The following EHBP1 variants were observed in gnomAD, a reference collection of about 807,000 sequenced individuals.
EHBP1 encodes the protein EH domain binding protein 1.
In EHBP1, 55 loss-of-function variants were observed where a neutral mutation model predicts 144.0. The ratio of observed to expected loss-of-function variants is 0.38; its 90% CI spans 0.31 to 0.48. The LOEUF (loss-of-function observed/expected upper bound fraction) is 0.48. EHBP1 is among the 20% of genes least tolerant of loss of function. The pLI is 0.98. For missense variants in EHBP1, 1,200 were observed against 1,364.2 expected (o/e 0.88, Z 1.90); for synonymous variants, 469 against 472.7 (o/e 0.99, Z 0.10).
At chr2:62,865,681 C>T (rs1392078025) in intron 9 of EHBP1, among the ~76,000 whole-genome samples, 1 of 152,084 alleles carries the variant, frequency 6.6e-6, no homozygotes, top group African/African-American at 2.4e-5. Context: ...TTATATGAAA[C>T]AATAGGATTC....
chr2:62,942,927 T>G lies in EHBP1; in HGVS notation c.1364+31T>G, dbSNP rs375727584. On this transcript the variant is annotated intron_variant, in intron 11 of 22. Transcript: ENST00000431489. ...TAGAAACATTTTCCATTCCCTATAT[T>G]TTGTAAGTGATAGACATTTTTGAAA... 5 of 1,446,194 alleles carry G rather than the reference T, an allele frequency of 3.5e-6. No individual in the cohort carries two copies. In the African/African-American group the frequency reaches 5.7e-5, roughly 16 times the overall value. 89.6% of individuals were successfully genotyped at this position (1,446,194 alleles called of 1,614,324 possible).
At chr2:62,922,625 T>C (rs775019884) in intron 10 of EHBP1, among the ~76,000 whole-genome samples, 1 of 152,194 alleles carries the variant, frequency 6.6e-6, no homozygotes, top group Non-Finnish European at 1.5e-5. Flanking sequence ...TAGAGACACC[T>C]GGCATTCATC....
chr2:62,718,297 G>A (rs1247540663), intron 2 of EHBP1, among the ~76,000 whole-genome samples: 2 of 152,046 alleles, frequency 1.3e-5, no homozygotes, highest in East Asian at 1.9e-4. Context: ...TAGTACAGAG[G>A]GAACTAACTA....
intron 10 of EHBP1, among the ~76,000 whole-genome samples, chr2:62,916,933 A>G (rs1234997390): frequency 1.3e-5 from 2 of 151,650 alleles, no homozygotes; most frequent in African/African-American, 4.8e-5. Flanking sequence ...TGTACAATTT[A>G]TATTGTATAT....
intron 5 of EHBP1, among the ~76,000 whole-genome samples, chr2:62,815,805 T>C (rs1404806207): frequency 3.3e-5 from 5 of 152,210 alleles, no homozygotes; most frequent in Non-Finnish European, 4.4e-5. Flanking sequence ...TAGGTGAAGA[T>C]ATAAACAAAT....
At chr2:62,687,735 T>G (rs2033766255) in intron 1 of EHBP1, among the ~76,000 whole-genome samples, 1 of 152,184 alleles carries the variant, frequency 6.6e-6, no homozygotes, top group African/African-American at 2.4e-5. Flanking sequence ...AGAAAAAAGA[T>G]ATTCCTTTAA....
intron 2 of EHBP1, among the ~76,000 whole-genome samples, chr2:62,733,288 T>G (rs2037793078): frequency 1.3e-5 from 2 of 152,242 alleles, no homozygotes; most frequent in South Asian, 4.1e-4. Flanking sequence ...GCTATAGGTG[T>G]CAGAGGCTAA....
chr2:63,011,192 A>G (rs2060252644), intron 19 of EHBP1, among the ~76,000 whole-genome samples: 1 of 151,250 alleles, frequency 6.6e-6, no homozygotes, highest in Admixed American at 6.6e-5. Flanking sequence ...TCACATGGGC[A>G]CGTTGAGAAA....
chr2:62,900,949 G>A (rs2053367779), intron 10 of EHBP1, among the ~76,000 whole-genome samples: 1 of 152,120 alleles, frequency 6.6e-6, no homozygotes, highest in Non-Finnish European at 1.5e-5. Context: ...TATATGGTAA[G>A]TAGCCAAGTA....
At chr2:62,907,605 C>T (rs1409959315) in intron 10 of EHBP1, among the ~76,000 whole-genome samples, 1 of 152,160 alleles carries the variant, frequency 6.6e-6, no homozygotes. Context: ...TGGACTCTTA[C>T]AAGGACACTA....
intron 8 of EHBP1, among the ~76,000 whole-genome samples, chr2:62,863,837 G>GTTTTTTTTTTTTTTTTTTTTTTT (rs1354945636): frequency 1.3e-5 from 1 of 74,576 alleles, no homozygotes. Flanking sequence ...ATTTTTCTGT[G>GTTTTTTTTTTTTTTTTTTTTTTT]TTGTTTTTTT....
chr2:62,689,874 A>G (rs189434592), intron 1 of EHBP1, among the ~76,000 whole-genome samples: 41 of 152,352 alleles, frequency 2.7e-4, no homozygotes, highest in African/African-American at 8.4e-4. Flanking sequence ...AAGCATTAAT[A>G]GTTACTACTA....
At chr2:62,717,602 T>G (rs2035806874) in intron 2 of EHBP1, among the ~76,000 whole-genome samples, 1 of 152,192 alleles carries the variant, frequency 6.6e-6, no homozygotes, top group Non-Finnish European at 1.5e-5. Flanking sequence ...TTGGCAGCTT[T>G]GCTAAAAGGT....
At chr2:62,859,774 A>G (rs2049358702) in intron 8 of EHBP1, among the ~76,000 whole-genome samples, 1 of 152,178 alleles carries the variant, frequency 6.6e-6, no homozygotes, top group Non-Finnish European at 1.5e-5. Context: ...TATATACAGC[A>G]TACTTGTGAG....
At chr2:62,875,003 CAT>C (rs1341553436) in intron 10 of EHBP1, among the ~76,000 whole-genome samples, 2 of 152,112 alleles carry the variant, frequency 1.3e-5, no homozygotes, top group Non-Finnish European at 2.9e-5. Context: ...CCAGTGCACA[CAT>C]GTGTGCACCC....
chr2:62,965,219 G>T (rs1226698889), intron 14 of EHBP1, among the ~76,000 whole-genome samples: 1 of 151,922 alleles, frequency 6.6e-6, no homozygotes, highest in African/African-American at 2.4e-5. Context: ...TCTAAAAGGG[G>T]GTTAAACTGC....
intron 19 of EHBP1, among the ~76,000 whole-genome samples, chr2:63,023,362 T>C (rs2060839107): frequency 6.6e-6 from 1 of 152,190 alleles, no homozygotes; most frequent in East Asian, 1.9e-4. Context: ...CTGTGTAGCT[T>C]TACAGGATCA....
chr2:62,937,411 C>G (rs190737032), intron 10 of EHBP1, among the ~76,000 whole-genome samples: 1 of 152,130 alleles, frequency 6.6e-6, no homozygotes, highest in Admixed American at 6.6e-5. Context: ...AAGGTCTTAA[C>G]TTTGTGGGGC....
chr2:63,036,313 G>A (rs2061437969), intron 19 of EHBP1, among the ~76,000 whole-genome samples: 1 of 151,980 alleles, frequency 6.6e-6, no homozygotes, highest in African/African-American at 2.4e-5. Flanking sequence ...AAAGAAACAT[G>A]TATGTGTCTA....
Sources: allele counts gnomAD v4.1 joint callset (sites outside exome capture counted in the v4.1 genomes callset), GRCh38; gene constraint gnomAD v4.1.1; transcripts MANE v1.5; gene names NCBI Gene and HGNC (gene_info 2026-07-23, HGNC 2026-07-21).